The following ZBTB25 variants were observed in gnomAD, a reference collection of about 807,000 sequenced individuals.
ZBTB25 encodes the protein zinc finger and BTB domain containing 25.
A neutral mutation model predicts 34.2 loss-of-function variants in ZBTB25; 20 were observed. The observed-to-expected ratio is 0.58, with a 90% CI of 0.41 to 0.85. The LOEUF is 0.85. ZBTB25 is among the 40% of genes least tolerant of loss of function. The pLI is 0.00. For missense variants in ZBTB25, 437 were observed against 521.8 expected (o/e 0.84, Z 1.58); for synonymous variants, 175 against 186.4 (o/e 0.94, Z 0.50).
At chr14:64,469,179 T>C in intron 2 of ZBTB25, 1 of 1,614,156 alleles carries the variant, frequency 6.2e-7, no homozygotes, top group East Asian at 2.2e-5. Context: ...CAGCCAGTAC[T>C]TTCTGATGTT....
chr14:64,449,946 G>A (rs2078343780), intron 2 of ZBTB25, among the ~76,000 whole-genome samples: 2 of 152,166 alleles, frequency 1.3e-5, no homozygotes, highest in South Asian at 4.2e-4. Flanking sequence ...CTGCCACCGT[G>A]CCCAGCTAAT....
At chr14:64,451,335 AATAG>A (rs769449828) in intron 2 of ZBTB25, among the ~76,000 whole-genome samples, 1 of 152,092 alleles carries the variant, frequency 6.6e-6, no homozygotes, top group Non-Finnish European at 1.5e-5. Context: ...CTTGGTTTTT[AATAG>A]ATAATCATAG....
intron 1 of ZBTB25, chr14:64,502,435 G>A (rs183584311): frequency 0.01 from 1,621 of 158,368 alleles, 21 homozygotes; most frequent in South Asian, 0.066. Context: ...TATCCAGATT[G>A]TTAAAGAAGA....
intron 2 of ZBTB25, among the ~76,000 whole-genome samples, chr14:64,464,065 A>G (rs1596582764): frequency 6.7e-6 from 1 of 150,366 alleles, no homozygotes; most frequent in Non-Finnish European, 1.5e-5. Context: ...GCAGGGTCTC[A>G]CTTTGTTGCC....
intron 1 of ZBTB25, chr14:64,499,584 GAA>G (rs35057922): frequency 6.9e-6 from 1 of 145,924 alleles, no homozygotes; most frequent in African/African-American, 2.5e-5. Flanking sequence ...AAAAGAAAAA[GAA>G]AAAAAAGAAT....
chr14:64,500,268 G>A (rs1303818211), intron 1 of ZBTB25, among the ~76,000 whole-genome samples: 4 of 151,888 alleles, frequency 2.6e-5, no homozygotes, highest in Non-Finnish European at 4.4e-5. Context: ...TACTTCTTTC[G>A]CAATGGAAGT....
chr14:64,463,342 ACT>A lies in ZBTB25; in HGVS notation c.174-13706_174-13705del, dbSNP rs368620078. ...TATAGTACTATACTCTGTGTGAGTG[ACT>A]CTGTGTGTATGTGTGTTGGTGGAGG... On this transcript the variant is annotated intron_variant, in intron 2 of 2. Coordinates refer to the ZBTB25 transcript ENST00000555220. The A allele has an allele frequency of 8.8e-4, 134 of 151,658 alleles. 1 individual carries two copies. Among genetic ancestry groups the A allele is most frequent in the African/African-American group, 3.1e-3 (129 of 41,300 alleles). The allele number at this position is 151,658 out of a possible 1,614,324, so 9.4% of individuals were successfully genotyped here.
At chr14:64,452,428 C>T (rs2078387977) in intron 2 of ZBTB25, among the ~76,000 whole-genome samples, 1 of 152,192 alleles carries the variant, frequency 6.6e-6, no homozygotes, top group Non-Finnish European at 1.5e-5. Flanking sequence ...CTTTAGGCAA[C>T]CTCTCCGTAT....
At chr14:64,503,840 G>A (rs1014908597), upstream of ZBTB25, 1 of 154,916 alleles carries the variant, frequency 6.5e-6, no homozygotes, top group African/African-American at 2.4e-5. Context: ...GGGAAAGAGG[G>A]GCGCCAGGGC....
intron 1 of ZBTB25, among the ~76,000 whole-genome samples, chr14:64,501,402 G>A (rs1390102085): frequency 6.6e-6 from 1 of 152,130 alleles, no homozygotes; most frequent in Non-Finnish European, 1.5e-5. Flanking sequence ...AAAAAGCCAG[G>A]TCTGTCTCCA....
In ZBTB25 at chr14:64,487,783, C is replaced by A. The variant is rs746483767; in HGVS notation, c.448G>T (p.Ala150Ser). The change falls in exon 3 of 3, where the codon GCT becomes TCT. Residue 150 changes from alanine to serine, a missense_variant. Physicochemically the swap from Ala to Ser is moderately conservative, Grantham distance 99. Coordinates refer to ENST00000608382, the MANE Select transcript of ZBTB25 (RefSeq NM_006977.5). ...VVKQGLEVKE[A>S]PSSNSGNRAA... ...CTGTTTCCACTGTTACTGGAAGGAGCTTCTTTGACCTCCAGTCCTTGTTTG... is the reference window on the plus strand; with the variant it reads ...CTGTTTCCACTGTTACTGGAAGGAGATTCTTTGACCTCCAGTCCTTGTTTG... 3.1e-6 allele frequency: 5 copies of A among 1,614,060 alleles called. No individual in the cohort carries two copies. The highest frequency in any genetic ancestry group is 4.2e-6 in the Non-Finnish European group (5 of 1,180,038).
rs1440074191 is a variant in ZBTB25 at position 64,487,912 on chromosome 14, G to A, written c.319C>T (p.Leu107Phe). Residue 107 changes from leucine to phenylalanine, a missense_variant, in exon 3 of 3, where the codon CTT becomes TTT. Leu to Phe is a conservative substitution (Grantham distance 22). Coordinates refer to ENST00000608382, the MANE Select transcript of ZBTB25 (RefSeq NM_006977.5). ...TTCATTTCAGTTGCAATGTGAGAAA[G>A]GTAGTCGGCGTGAAGAAATCGAATC... ...EGIRFLHADY[L>F]SHIATEMNQV... The A allele has an allele frequency of 6.2e-7, 1 of 1,614,174 alleles. No individual in the cohort carries two copies. Among genetic ancestry groups the A allele is most frequent in the East Asian group, 2.2e-5 (1 of 44,882 alleles).
chr14:64,500,454 CAAAA>C (rs374975040), intron 1 of ZBTB25, among the ~76,000 whole-genome samples: 18 of 52,074 alleles, frequency 3.5e-4, no homozygotes, highest in African/African-American at 9.0e-4. Context: ...CCCAATAAAG[CAAAA>C]AAAAAAAAAA....
At chr14:64,472,879 A>C (rs1173529161) in intron 2 of ZBTB25, 1 of 167,060 alleles carries the variant, frequency 6.0e-6, no homozygotes, top group Non-Finnish European at 1.5e-5. Flanking sequence ...AACAACATTA[A>C]AATAATTATT....
Position 64,486,449 on chromosome 14 carries a change from A to G in ZBTB25, c.*474T>C, listed in dbSNP as rs1015554278. ...TTATACATTATAACATATGTATAAC[A>G]TACAGTTATGCATTAAAGTAACTAT... On this transcript the variant is annotated 3_prime_UTR_variant, in exon 3 of 3. Coordinates refer to ENST00000608382, the MANE Select transcript of ZBTB25 (RefSeq NM_006977.5). The G allele has an allele frequency of 7.7e-5, 74 of 966,152 alleles. No individual in the cohort carries two copies. The highest frequency in any genetic ancestry group is 9.0e-5 in the Non-Finnish European group (73 of 812,218). 59.8% of individuals were successfully genotyped at this position (966,152 alleles called of 1,614,324 possible).
chr14:64,489,298 A>T lies in ZBTB25; in HGVS notation c.173+1063T>A, dbSNP rs186265214. Among the ~76,000 whole-genome samples the T allele has an allele frequency of 4.1e-3, 588 of 141,974 alleles. 15 individuals carry two copies. In the East Asian group the frequency reaches 0.055, roughly 13 times the overall value. The allele number at this position is 141,974 out of a possible 152,430, so 93.1% of individuals were successfully genotyped here. A position where few individuals can be genotyped will look rare whatever the true frequency, so the allele number is the denominator to read the frequency against. ...AAAAATAAAAATAAAAAATAAAAAA[A>T]ACAAAAGTGTTATATGAAACAAAAA... is the stretch of plus-strand genomic sequence containing the variant. On this transcript the variant is annotated intron_variant, in intron 2 of 2. Coordinates refer to ENST00000608382, the MANE Select transcript of ZBTB25 (RefSeq NM_006977.5).
intron 2 of ZBTB25, chr14:64,454,601 T>G: frequency 1.3e-6 from 1 of 778,168 alleles, no homozygotes; most frequent in South Asian, 1.5e-5. Context: ...GATAGAGATG[T>G]ATATAAAGGG....
Position 64,486,450 on chromosome 14 carries a change from T to A in ZBTB25, c.*473A>T. 1 of 961,336 alleles carries A rather than the reference T, an allele frequency of 1.0e-6. No homozygotes were observed. The highest frequency in any genetic ancestry group is 1.2e-6 in the Non-Finnish European group (1 of 807,728). The allele number at this position is 961,336 out of a possible 1,614,324, so 59.6% of individuals were successfully genotyped here. On this transcript the variant is annotated 3_prime_UTR_variant, in exon 3 of 3. Coordinates refer to ENST00000608382, the MANE Select transcript of ZBTB25 (RefSeq NM_006977.5). ...TATACATTATAACATATGTATAACA[T>A]ACAGTTATGCATTAAAGTAACTATT...
At chr14:64,461,588 T>C (rs1323681167) in intron 2 of ZBTB25, 1 of 143,146 alleles carries the variant, frequency 7.0e-6, no homozygotes, top group Non-Finnish European at 1.5e-5. Flanking sequence ...TTTTTTTTTT[T>C]TTTGGCAGGG....
Sources: allele counts gnomAD v4.1 joint callset (sites outside exome capture counted in the v4.1 genomes callset), GRCh38; gene constraint gnomAD v4.1.1; transcripts MANE v1.5; gene names NCBI Gene and HGNC (gene_info 2026-07-23, HGNC 2026-07-21).